Variants in ANGPT1 observed in about 807,000 individuals in gnomAD.
The protein encoded by ANGPT1 is angiopoietin 1.
A neutral mutation model predicts 62.2 loss-of-function variants in ANGPT1; 17 were observed. The ratio of observed to expected loss-of-function variants is 0.27; its 90% CI spans 0.19 to 0.41. The LOEUF is 0.41. Ranked by LOEUF, ANGPT1 falls within the 10% of genes least tolerant of loss-of-function variation. The probability of loss-of-function intolerance (pLI) is 1.00; values close to 1 mark genes in which losing one functional copy is unlikely to be tolerated. For synonymous variants in ANGPT1, 199 were observed against 198.9 expected, an observed-to-expected ratio of 1.00 and a Z score of 0.00; for missense variants, 478 against 594.9, an observed-to-expected ratio of 0.80 and a Z score of 2.04.
chr8:107,483,501 T>G (rs1385578353), intron 1 of ANGPT1, among the ~76,000 whole-genome samples: 2 of 152,114 alleles, frequency 1.3e-5, no homozygotes, highest in East Asian at 1.9e-4. Context: ...TTATTAATTT[T>G]CTTTTCTTTT....
At chr8:107,355,694 C>A (rs1234851750) in intron 1 of ANGPT1, among the ~76,000 whole-genome samples, 1 of 152,174 alleles carries the variant, frequency 6.6e-6, no homozygotes, top group Admixed American at 6.5e-5. Context: ...GGGCTAGGTC[C>A]TATTTTTCAA....
chr8:107,423,249 A>T (rs895083525), intron 1 of ANGPT1, among the ~76,000 whole-genome samples: 6 of 152,178 alleles, frequency 3.9e-5, no homozygotes, highest in African/African-American at 1.4e-4. Flanking sequence ...ATTTACTAGC[A>T]CAATACTGAC....
intron 7 of ANGPT1, chr8:107,284,233 T>C (rs1309223017): frequency 6.6e-6 from 1 of 152,160 alleles, no homozygotes; most frequent in Non-Finnish European, 1.5e-5. Context: ...CATTCAAACA[T>C]AAAAAAATTT....
chr8:107,371,959 T>A (rs574394351), intron 1 of ANGPT1, among the ~76,000 whole-genome samples: 1 of 152,306 alleles, frequency 6.6e-6, no homozygotes, highest in South Asian at 2.1e-4. Context: ...GGGAGCCTTA[T>A]AAGCTGAGGT....
In ANGPT1 at chr8:107,400,739, T is replaced by C. The variant is rs375278925; in HGVS notation, c.298-53642A>G. Among the ~76,000 whole-genome samples, 9 of 152,156 alleles carry C rather than the reference T, an allele frequency of 5.9e-5. No individual in the cohort carries two copies. In the East Asian group the frequency reaches 1.7e-3, roughly 29 times the overall value. On this transcript the variant is annotated intron_variant, in intron 1 of 8. Coordinates refer to ENST00000517746, the MANE Select transcript of ANGPT1 (RefSeq NM_001146.5). Reference sequence around the variant, plus strand: ...TACACCTGGCTAATTTCTGTATTTTTAGTAAAGACGGGTTTTCACCATATT... The same window carrying C: ...TACACCTGGCTAATTTCTGTATTTTCAGTAAAGACGGGTTTTCACCATATT...
intron 6 of ANGPT1, among the ~76,000 whole-genome samples, chr8:107,291,125 A>T (rs1814261535): frequency 6.6e-6 from 1 of 152,228 alleles, no homozygotes; most frequent in Non-Finnish European, 1.5e-5. Context: ...AGTGGTGAAA[A>T]TAATCATGAA....
At chr8:107,354,731 C>A (rs892757134) in intron 1 of ANGPT1, among the ~76,000 whole-genome samples, 1 of 152,198 alleles carries the variant, frequency 6.6e-6, no homozygotes, top group African/African-American at 2.4e-5. Context: ...TCGCTTAATC[C>A]CCAGGCACCA....
intron 1 of ANGPT1, among the ~76,000 whole-genome samples, chr8:107,474,669 G>A (rs1812462738): frequency 6.6e-6 from 1 of 152,126 alleles, no homozygotes. Flanking sequence ...TGACATGATT[G>A]GATATCTAGA....
intron 1 of ANGPT1, among the ~76,000 whole-genome samples, chr8:107,476,612 T>C (rs1357876592): frequency 6.8e-6 from 1 of 147,258 alleles, no homozygotes; most frequent in Non-Finnish European, 1.5e-5. Flanking sequence ...TAAATAAATT[T>C]GAAAGCACCT....
intron 1 of ANGPT1, among the ~76,000 whole-genome samples, chr8:107,476,736 C>T (rs1812542589): frequency 6.6e-6 from 1 of 152,112 alleles, no homozygotes; most frequent in African/African-American, 2.4e-5. Context: ...CTCCATATGA[C>T]ACAAATGCAG....
chr8:107,489,726 G>C (rs926574570), intron 1 of ANGPT1, among the ~76,000 whole-genome samples: 3 of 152,106 alleles, frequency 2.0e-5, no homozygotes, highest in African/African-American at 7.2e-5. Flanking sequence ...TTTGATAAGA[G>C]AGGGGGCACA....
chr8:107,433,332 C>T (rs955400719), intron 1 of ANGPT1, among the ~76,000 whole-genome samples: 3 of 152,136 alleles, frequency 2.0e-5, no homozygotes. Context: ...TATTCTATTG[C>T]AAGTGATTGG....
At chr8:107,267,243 T>C (rs941064162) in intron 7 of ANGPT1, among the ~76,000 whole-genome samples, 1 of 152,136 alleles carries the variant, frequency 6.6e-6, no homozygotes. Context: ...TATTTTCAAA[T>C]ACAAATTTGT....
At chr8:107,410,313 T>C (rs1020636184) in intron 1 of ANGPT1, among the ~76,000 whole-genome samples, 1 of 152,170 alleles carries the variant, frequency 6.6e-6, no homozygotes, top group Non-Finnish European at 1.5e-5. Flanking sequence ...CCCACTGCAA[T>C]TGGCAGATTT....
intron 1 of ANGPT1, among the ~76,000 whole-genome samples, chr8:107,455,213 T>C (rs949403897): frequency 2.6e-5 from 4 of 152,058 alleles, no homozygotes; most frequent in African/African-American, 9.7e-5. Flanking sequence ...GTGATCTCCA[T>C]GTGAATAGCT....
chr8:107,481,476 G>A (rs1244791649), intron 1 of ANGPT1, among the ~76,000 whole-genome samples: 7 of 133,674 alleles, frequency 5.2e-5, no homozygotes, highest in Non-Finnish European at 7.7e-5. Flanking sequence ...AGAGGTTGCA[G>A]TGAGCCAAGA....
At chr8:107,277,608 A>G (rs1436337924) in intron 7 of ANGPT1, among the ~76,000 whole-genome samples, 1 of 152,182 alleles carries the variant, frequency 6.6e-6, no homozygotes, top group East Asian at 1.9e-4. Context: ...AACCAAAAAC[A>G]AAACCTTAAC....
At chr8:107,351,179 A>C (rs1432612837) in intron 1 of ANGPT1, among the ~76,000 whole-genome samples, 3 of 152,142 alleles carry the variant, frequency 2.0e-5, no homozygotes, top group Non-Finnish European at 4.4e-5. Flanking sequence ...TAAGTTATTG[A>C]CCAAAATGCT....
chr8:107,457,877 A>G (rs1036290229), intron 1 of ANGPT1, among the ~76,000 whole-genome samples: 1 of 150,618 alleles, frequency 6.6e-6, no homozygotes, highest in Admixed American at 6.6e-5. Flanking sequence ...CCAAGAGGGG[A>G]AAAAAATACC....
Sources: allele counts gnomAD v4.1 joint callset (sites outside exome capture counted in the v4.1 genomes callset), GRCh38; gene constraint gnomAD v4.1.1; transcripts MANE v1.5; gene names NCBI Gene and HGNC (gene_info 2026-07-23, HGNC 2026-07-21).